Variants in HPSE2 observed in about 807,000 individuals in gnomAD.
The protein encoded by HPSE2 is heparanase 2 (inactive).
HPSE2 carries 38 observed loss-of-function variants against 60.5 expected under a neutral mutation model. The ratio of observed to expected loss-of-function variants is 0.63; its 90% confidence interval spans 0.48 to 0.82. The LOEUF is 0.82. Ranked by LOEUF, HPSE2 falls within the 40% of genes least tolerant of loss-of-function variation. The pLI, the probability that HPSE2 is intolerant of heterozygous loss-of-function variation, is 0.00. For synonymous variants in HPSE2, 295 were observed against 293.2 expected, an observed-to-expected ratio of 1.01 and a Z score of -0.06; for missense variants, 713 against 740.4, an observed-to-expected ratio of 0.96 and a Z score of 0.43.
intron 2 of HPSE2, among the ~76,000 whole-genome samples, chr10:99,191,165 A>G (rs554305317): frequency 6.6e-6 from 1 of 152,176 alleles, no homozygotes; most frequent in South Asian, 2.1e-4. Flanking sequence ...TGGCTCCCAG[A>G]CAACACCTCT....
chr10:98,540,163 G>C (rs1249779535), intron 9 of HPSE2, among the ~76,000 whole-genome samples: 19 of 152,198 alleles, frequency 1.2e-4, no homozygotes, highest in Non-Finnish European at 1.3e-4. Context: ...TAGGAACATA[G>C]GAGGAAGTCA....
intron 3 of HPSE2, among the ~76,000 whole-genome samples, chr10:98,759,101 G>A (rs1443241471): frequency 6.6e-6 from 1 of 152,050 alleles, no homozygotes; most frequent in Non-Finnish European, 1.5e-5. Flanking sequence ...ACCAAACACT[G>A]CACATTCTCA....
chr10:98,957,104 T>C (rs1318266889), intron 3 of HPSE2, among the ~76,000 whole-genome samples: 8 of 152,188 alleles, frequency 5.3e-5, no homozygotes, highest in African/African-American at 1.9e-4. Context: ...CTTTGAACAA[T>C]ACTTGTAGCA....
intron 3 of HPSE2, chr10:99,013,044 C>A: frequency 2.1e-6 from 1 of 475,310 alleles, no homozygotes; most frequent in Non-Finnish European, 3.9e-6. Flanking sequence ...CTGCAGCTTT[C>A]AGGTAAAGTT....
At chr10:98,815,818 T>C (rs1024651145) in intron 3 of HPSE2, among the ~76,000 whole-genome samples, 18 of 151,700 alleles carry the variant, frequency 1.2e-4, no homozygotes, top group Non-Finnish European at 2.5e-4. Flanking sequence ...TATGTTAGAG[T>C]TGGCCAACAA....
chr10:98,833,258 T>C (rs1353061223), intron 3 of HPSE2, among the ~76,000 whole-genome samples: 1 of 152,142 alleles, frequency 6.6e-6, no homozygotes, highest in Non-Finnish European at 1.5e-5. Flanking sequence ...TACCAACTAC[T>C]TTTCTTCCTG....
chr10:98,903,973 C>T (rs1953738332), intron 3 of HPSE2, among the ~76,000 whole-genome samples: 1 of 152,062 alleles, frequency 6.6e-6, no homozygotes, highest in Admixed American at 6.6e-5. Flanking sequence ...AGTCATTTAA[C>T]TACTCAAAGT....
intron 4 of HPSE2, among the ~76,000 whole-genome samples, chr10:98,736,736 T>C (rs1436188187): frequency 5.3e-5 from 8 of 152,218 alleles, no homozygotes; most frequent in Admixed American, 5.2e-4. Context: ...TTATCCTAAC[T>C]TTACCTTTAG....
intron 7 of HPSE2, among the ~76,000 whole-genome samples, chr10:98,628,733 T>C (rs1207094905): frequency 4.0e-5 from 6 of 151,780 alleles, no homozygotes; most frequent in Non-Finnish European, 8.8e-5. Context: ...AGAGGCAGAG[T>C]TGTATAAAGG....
chr10:99,146,503 C>T (rs1846058824), intron 2 of HPSE2, among the ~76,000 whole-genome samples: 1 of 152,240 alleles, frequency 6.6e-6, no homozygotes, highest in Non-Finnish European at 1.5e-5. Flanking sequence ...CTCCTATTCT[C>T]TATGTCTAAA....
At chr10:98,836,052 A>G (rs986974815) in intron 3 of HPSE2, among the ~76,000 whole-genome samples, 1 of 152,192 alleles carries the variant, frequency 6.6e-6, no homozygotes, top group African/African-American at 2.4e-5. Context: ...CATGATAAGA[A>G]ACTCCTCTCT....
rs866022250 is a variant in HPSE2, at chr10:99,022,049, A to C, written c.610+122189T>G. On this transcript the variant is annotated intron_variant, in intron 3 of 11. Coordinates refer to ENST00000370552, the MANE Select transcript of HPSE2 (RefSeq NM_021828.5). Reference sequence around the variant, plus strand: ...AATGCTATCCCTCCCCCCTCCCCCCACCCCACAACCTGGTTTTAACTTAAT... The same window carrying C: ...AATGCTATCCCTCCCCCCTCCCCCCCCCCCACAACCTGGTTTTAACTTAAT... Among the ~76,000 whole-genome samples the C allele has an allele frequency of 9.7e-4, 78 of 80,614 alleles. 1 individual carries two copies. Among genetic ancestry groups the C allele is most frequent in the African/African-American group, 3.0e-3 (59 of 19,558 alleles). 52.9% of individuals were successfully genotyped at this position (80,614 alleles called of 152,430 possible).
Position 98,744,353 on chromosome 10 carries a change from C to A in HPSE2, c.611-297G>T, listed in dbSNP as rs562721726. 2.0e-5 allele frequency among the ~76,000 whole-genome samples: 3 copies of A among 152,068 alleles called. No homozygotes were observed. In the South Asian group the frequency reaches 6.2e-4, roughly 32 times the overall value. On this transcript the variant is annotated intron_variant, in intron 3 of 11. Transcript: ENST00000370552. ...GACCAGCCTGACCAACCTGGAGAAACCCCATCTCTACTAAAAATACAAAAT... is the reference window on the plus strand; with the variant it reads ...GACCAGCCTGACCAACCTGGAGAAAACCCATCTCTACTAAAAATACAAAAT...
chr10:98,600,911 GTA>G (rs71007402), intron 9 of HPSE2, among the ~76,000 whole-genome samples: 4,015 of 73,644 alleles, frequency 0.055, 244 homozygotes, highest in African/African-American at 0.14. Context: ...ATGTGTGTGT[GTA>G]TATATATATA....
chr10:98,707,791 C>T (rs1040064388), intron 5 of HPSE2, among the ~76,000 whole-genome samples: 3 of 152,080 alleles, frequency 2.0e-5, no homozygotes, highest in South Asian at 2.1e-4. Context: ...TAATGAAATT[C>T]GAATAAAAAG....
chr10:98,659,205 G>A (rs933479522), intron 6 of HPSE2, among the ~76,000 whole-genome samples: 1 of 151,844 alleles, frequency 6.6e-6, no homozygotes, highest in African/African-American at 2.4e-5. Context: ...TGGGGGATTG[G>A]TTCCAGGACC....
At chr10:98,971,567 T>C (rs1955954425) in intron 3 of HPSE2, among the ~76,000 whole-genome samples, 1 of 152,238 alleles carries the variant, frequency 6.6e-6, no homozygotes, top group African/African-American at 2.4e-5. Flanking sequence ...TTGTACTATA[T>C]ATTGCTGCCC....
At position 98,888,598 on chromosome 10, in the gene HPSE2, T is replaced by G. The variant is rs544920290; in HGVS notation, c.611-144542A>C. On this transcript the variant is annotated intron_variant, in intron 3 of 11. Transcript: ENST00000370552. ...TGTAAACCTCTGTTTAGGGATTGTA[T>G]AAGTGAAGGTATGTTACGCACAAAG... is the stretch of plus-strand genomic sequence containing the variant. 2.6e-5 allele frequency among the ~76,000 whole-genome samples: 4 copies of G among 152,260 alleles called. No homozygotes were observed. The South Asian group carries it at 8.3e-4, about 32-fold the overall frequency.
intron 9 of HPSE2, among the ~76,000 whole-genome samples, chr10:98,587,670 G>A (rs1261581360): frequency 6.6e-6 from 1 of 152,090 alleles, no homozygotes; most frequent in Non-Finnish European, 1.5e-5. Context: ...TCTGAAACTA[G>A]ATGAACTTCA....
Sources: allele counts gnomAD v4.1 joint callset (sites outside exome capture counted in the v4.1 genomes callset), GRCh38; gene constraint gnomAD v4.1.1; transcripts MANE v1.5; gene names NCBI Gene and HGNC (gene_info 2026-07-23, HGNC 2026-07-21).